Variants in CLOCK observed in about 807,000 individuals in gnomAD.
CLOCK encodes the protein circadian locomoter output cycles protein kaput.
In CLOCK, 43 loss-of-function variants were observed where a neutral mutation model predicts 118.4. That is an observed-to-expected ratio of 0.36 (90% CI 0.28 to 0.47). The LOEUF is 0.47. Among genes scored for constraint, CLOCK ranks in the 20% least tolerant of loss-of-function variants. CLOCK has a pLI of 1.00. For missense variants in CLOCK, 846 were observed against 999.9 expected (o/e 0.85, Z 2.08); for synonymous variants, 326 against 339.2 (o/e 0.96, Z 0.43).
intron 6 of CLOCK, 41 bp from the exon 7 acceptor site, chr4:55,476,095 C>T (rs370391918): frequency 3.3e-5 from 42 of 1,283,858 alleles, no homozygotes; most frequent in East Asian, 9.2e-5. Context: ...CTCCAACCAC[C>T]GGAGGAGTAC....
chr4:55,428,157 T>TAC lies in CLOCK; in HGVS notation c.*7257_*7258insGT, dbSNP rs1722313881. On this transcript the variant is annotated 3_prime_UTR_variant, in exon 23 of 23. Coordinates refer to ENST00000513440, the MANE Select transcript of CLOCK (RefSeq NM_004898.4). ...TTAGGTTCTGAATACATGACAAGAG[T>TAC]ATGGGAAAGAGCAGAATAATAGTAC... 2.0e-5 allele frequency: 3 copies of TAC among 151,992 alleles called. No homozygotes were observed. Among genetic ancestry groups the TAC allele is most frequent in the Non-Finnish European group, 2.9e-5 (2 of 68,004 alleles). 9.4% of individuals were successfully genotyped at this position (151,992 alleles called of 1,614,324 possible).
At chr4:55,542,144 C>A (rs956142800) in intron 1 of CLOCK, among the ~76,000 whole-genome samples, 5 of 149,296 alleles carry the variant, frequency 3.3e-5, no homozygotes, top group African/African-American at 1.2e-4. Flanking sequence ...AGTTTGAGAC[C>A]AGCCCGGCCA....
chr4:55,480,783 C>T (rs1219342876), intron 4 of CLOCK, among the ~76,000 whole-genome samples: 1 of 151,406 alleles, frequency 6.6e-6, no homozygotes, highest in Admixed American at 6.6e-5. Flanking sequence ...CCCAGCTACT[C>T]AGGAGGCTGA....
intron 1 of CLOCK, among the ~76,000 whole-genome samples, chr4:55,528,554 A>G (rs148088267): frequency 6.6e-6 from 1 of 152,250 alleles, no homozygotes; most frequent in African/African-American, 2.4e-5. Flanking sequence ...GAATAAATCT[A>G]TAAGACAATG....
intron 2 of CLOCK, among the ~76,000 whole-genome samples, chr4:55,498,764 A>G (rs1728250925): frequency 6.6e-6 from 1 of 152,138 alleles, no homozygotes; most frequent in African/African-American, 2.4e-5. Flanking sequence ...CGTAAGTAGG[A>G]GTAAATATAG....
At chr4:55,436,991 T>C (rs1297660755) in intron 22 of CLOCK, among the ~76,000 whole-genome samples, 1 of 151,960 alleles carries the variant, frequency 6.6e-6, no homozygotes, top group African/African-American at 2.4e-5. Context: ...TCCTCTCCTT[T>C]TTTTAGCTTA....
In CLOCK at chr4:55,434,688, A is replaced by G. The variant is rs1242546341; in HGVS notation, c.*727T>C. 1.3e-5 allele frequency: 2 copies of G among 152,686 alleles called. No homozygotes were observed. The highest frequency in any genetic ancestry group is 2.9e-5 in the Non-Finnish European group (2 of 68,072). The allele number at this position is 152,686 out of a possible 1,614,324, so 9.5% of individuals were successfully genotyped here. On this transcript the variant is annotated 3_prime_UTR_variant, in exon 23 of 23. Coordinates refer to ENST00000513440, the MANE Select transcript of CLOCK (RefSeq NM_004898.4). ...GAACAAAAAAACTTGTGCCCCGGAA[A>G]AGTGAACAGAACACTACTGTGTTGT...
At chr4:55,513,979 C>A (rs1729324861) in intron 1 of CLOCK, among the ~76,000 whole-genome samples, 1 of 152,054 alleles carries the variant, frequency 6.6e-6, no homozygotes, top group Non-Finnish European at 1.5e-5. Flanking sequence ...TTGTATCCTG[C>A]TACCTTGTGC....
At chr4:55,467,896 A>G (rs1331744564) in intron 8 of CLOCK, among the ~76,000 whole-genome samples, 1 of 152,144 alleles carries the variant, frequency 6.6e-6, no homozygotes, top group African/African-American at 2.4e-5. Context: ...AGTCAAAGTT[A>G]TTTTCTGTAT....
At chr4:55,483,722 G>T (rs1727095472) in intron 3 of CLOCK, among the ~76,000 whole-genome samples, 1 of 152,148 alleles carries the variant, frequency 6.6e-6, no homozygotes. Flanking sequence ...AAAAACCTGG[G>T]ATGTTACAAT....
chr4:55,531,415 G>T (rs987295434), intron 1 of CLOCK, among the ~76,000 whole-genome samples: 5 of 152,054 alleles, frequency 3.3e-5, no homozygotes, highest in African/African-American at 1.2e-4. Context: ...TCATTTAAAA[G>T]AATTAACCAG....
chr4:55,456,768 T>A (rs2109790543), intron 11 of CLOCK, among the ~76,000 whole-genome samples: 1 of 152,234 alleles, frequency 6.6e-6, no homozygotes, highest in Middle Eastern at 3.4e-3. Context: ...AGCCTCAACA[T>A]CCTAGGCTCA....
At chr4:55,539,123 T>C (rs1246579302) in intron 1 of CLOCK, among the ~76,000 whole-genome samples, 2 of 152,050 alleles carry the variant, frequency 1.3e-5, no homozygotes, top group East Asian at 3.9e-4. Flanking sequence ...TAATCCCAGC[T>C]ACTCAGGAGG....
chr4:55,455,607 A>G (rs1724867147), intron 13 of CLOCK, among the ~76,000 whole-genome samples: 2 of 152,204 alleles, frequency 1.3e-5, no homozygotes, highest in South Asian at 4.1e-4. Flanking sequence ...GAAGTATTAC[A>G]ATTTTCAAAG....
chr4:55,492,371 G>GAAAAAAAA (rs1727767299), intron 2 of CLOCK, among the ~76,000 whole-genome samples: 11 of 147,364 alleles, frequency 7.5e-5, no homozygotes, highest in South Asian at 2.1e-4. Context: ...AAAAAAAAAC[G>GAAAAAAAA]CCATTCAACA....
intron 16 of CLOCK, 38 bp from the exon 17 acceptor site, chr4:55,449,534 TA>T: frequency 6.8e-7 from 1 of 1,477,286 alleles, no homozygotes; most frequent in Non-Finnish European, 9.5e-7. Context: ...TAGTACTTTA[TA>T]AAATATAGTT....
chr4:55,450,756 G>A (rs549523392), intron 15 of CLOCK, among the ~76,000 whole-genome samples: 103 of 138,022 alleles, frequency 7.5e-4, no homozygotes, highest in African/African-American at 2.5e-3. Context: ...GCAAAAGAGC[G>A]AGACTCCATC....
intron 22 of CLOCK, 67 bp from the exon 23 acceptor site, chr4:55,435,661 A>T (rs1236733190): frequency 6.0e-6 from 9 of 1,501,886 alleles, no homozygotes; most frequent in African/African-American, 1.4e-5. Flanking sequence ...ATAGTTACTC[A>T]CACTCTCCCC....
intron 7 of CLOCK, among the ~76,000 whole-genome samples, chr4:55,472,244 A>C (rs998899105): frequency 1.3e-5 from 2 of 152,238 alleles, no homozygotes; most frequent in Non-Finnish European, 2.9e-5. Flanking sequence ...TGATTTTCAA[A>C]AAGTTATGTT....
Sources: gnomAD v4.1 joint callset for allele counts (sites outside exome capture counted in the v4.1 genomes callset) on GRCh38, gnomAD v4.1.1 for gene constraint, MANE v1.5 for transcripts, NCBI Gene and HGNC (gene_info 2026-07-23, HGNC 2026-07-21) for gene names.